MAF: variants seen among roughly 807,000 people sequenced by gnomAD.
MAF encodes transcription factor Maf.
Under a neutral mutation model 22.0 loss-of-function variants are expected in MAF, and 10 were observed. That is an observed-to-expected ratio of 0.45 (90% CI 0.28 to 0.77). The LOEUF is 0.77. MAF is among the 30% of genes least tolerant of loss of function. The pLI is 0.12. For missense variants in MAF, 544 were observed against 548.4 expected, an observed-to-expected ratio of 0.99 and a Z score of 0.08; for synonymous variants, 337 against 255.8, an observed-to-expected ratio of 1.32 and a Z score of -3.03.
At chr16:79,378,838 C>G in the MAF span, among the ~76,000 whole-genome samples, 1 of 152,126 alleles carries the variant, frequency 6.6e-6, no homozygotes, top group Non-Finnish European at 1.5e-5. Context: ...AAATGAACAG[C>G]TTTTTCTTAC....
At chr16:79,554,242 C>G in the MAF span, among the ~76,000 whole-genome samples, 1 of 152,046 alleles carries the variant, frequency 6.6e-6, no homozygotes, top group African/African-American at 2.4e-5. Context: ...CCAAACAGCC[C>G]AAGAGGTAGG....
the MAF span, chr16:79,203,668 C>T: frequency 9.9e-5 from 15 of 152,188 alleles, no homozygotes; most frequent in East Asian, 7.7e-4. Flanking sequence ...TTCTAAAAGA[C>T]GTAATTTTGC....
chr16:79,256,356 C>T, the MAF span, among the ~76,000 whole-genome samples: 1 of 152,024 alleles, frequency 6.6e-6, no homozygotes, highest in Non-Finnish European at 1.5e-5. Context: ...AGATCACTCT[C>T]CCCACTGCAA....
chr16:79,531,892 A>G, the MAF span, among the ~76,000 whole-genome samples: 1 of 152,100 alleles, frequency 6.6e-6, no homozygotes, highest in African/African-American at 2.4e-5. Flanking sequence ...TCTAGAAGGC[A>G]CAATGTCCTA....
chr16:79,501,163 T>C, the MAF span, among the ~76,000 whole-genome samples: 3 of 152,178 alleles, frequency 2.0e-5, no homozygotes, highest in African/African-American at 7.2e-5. Context: ...GCATCTGTCC[T>C]AGCTTCTGGT....
At chr16:79,299,557 A>C in the MAF span, among the ~76,000 whole-genome samples, 1 of 151,898 alleles carries the variant, frequency 6.6e-6, no homozygotes, top group Non-Finnish European at 1.5e-5. Flanking sequence ...TTTTTTTCAG[A>C]GTTATTTCCG....
the MAF span, among the ~76,000 whole-genome samples, chr16:79,308,780 A>T: frequency 6.6e-6 from 1 of 152,152 alleles, no homozygotes; most frequent in Admixed American, 6.5e-5. Context: ...GCAGAGCTGG[A>T]AAGTGGCAGA....
chr16:79,437,003 A>C, the MAF span, among the ~76,000 whole-genome samples: 1 of 152,240 alleles, frequency 6.6e-6, no homozygotes, highest in Non-Finnish European at 1.5e-5. Flanking sequence ...CGCACTTTAG[A>C]GTCACAAGCA....
At chr16:79,578,179 C>G in the MAF span, among the ~76,000 whole-genome samples, 3 of 152,072 alleles carry the variant, frequency 2.0e-5, no homozygotes, top group Non-Finnish European at 4.4e-5. Flanking sequence ...AAATTTAACT[C>G]CTTGGCTAAA....
the MAF span, among the ~76,000 whole-genome samples, chr16:79,473,799 C>T: frequency 6.6e-6 from 1 of 152,178 alleles, no homozygotes; most frequent in Non-Finnish European, 1.5e-5. Flanking sequence ...TACAGCTGAT[C>T]TGGGTGAGGG....
chr16:79,323,233 T>C, the MAF span, among the ~76,000 whole-genome samples: 1 of 126,354 alleles, frequency 7.9e-6, no homozygotes, highest in Non-Finnish European at 1.6e-5. Context: ...GAAAAGTCAG[T>C]CTAGTCCCGG....
the MAF span, among the ~76,000 whole-genome samples, chr16:79,401,494 C>T: frequency 3.3e-5 from 5 of 152,252 alleles, no homozygotes; most frequent in South Asian, 8.3e-4. Context: ...GAATACACTT[C>T]ATATATTTTA....
the MAF span, among the ~76,000 whole-genome samples, chr16:79,207,185 G>A: frequency 3.9e-5 from 6 of 152,216 alleles, no homozygotes; most frequent in Non-Finnish European, 8.8e-5. Flanking sequence ...GATAAATGTA[G>A]CTCTCTGATA....
chr16:79,457,754 G>A, the MAF span, among the ~76,000 whole-genome samples: 1 of 152,044 alleles, frequency 6.6e-6, no homozygotes, highest in Non-Finnish European at 1.5e-5. Context: ...ATTTTGTGGT[G>A]GGGCAGGCAC....
At chr16:79,473,912 C>T in the MAF span, among the ~76,000 whole-genome samples, 15,646 of 152,068 alleles carry the variant, frequency 0.1, 968 homozygotes, top group Middle Eastern at 0.2. Context: ...CTTCTCATAA[C>T]GTCTCCAGGC....
chr16:79,571,112 A>G, the MAF span, among the ~76,000 whole-genome samples: 4 of 71,358 alleles, frequency 5.6e-5, no homozygotes, highest in Non-Finnish European at 1.6e-4. Flanking sequence ...ATTTCCAGTT[A>G]AAAAAAAAAA....
chr16:79,309,701 T>A, the MAF span, among the ~76,000 whole-genome samples: 2 of 152,198 alleles, frequency 1.3e-5, no homozygotes, highest in African/African-American at 2.4e-5. Context: ...GTGTGCTCCC[T>A]GTATTAAACT....
At chr16:79,307,520 CA>C in the MAF span, among the ~76,000 whole-genome samples, 1 of 152,242 alleles carries the variant, frequency 6.6e-6, no homozygotes, top group Non-Finnish European at 1.5e-5. Flanking sequence ...AAATACCCCA[CA>C]CACATCCAAT....
chr16:79,218,487 C>G, the MAF span, among the ~76,000 whole-genome samples: 1 of 152,202 alleles, frequency 6.6e-6, no homozygotes, highest in African/African-American at 2.4e-5. Context: ...GATCCAACAG[C>G]TCCTACTGGC....
Sources: allele counts gnomAD v4.1 joint callset (sites outside exome capture counted in the v4.1 genomes callset), GRCh38; gene constraint gnomAD v4.1.1; transcripts MANE v1.5; gene names NCBI Gene and HGNC (gene_info 2026-07-23, HGNC 2026-07-21).